The following SEC16A variants were observed in gnomAD, a reference collection of about 807,000 sequenced individuals.
SEC16A encodes the protein protein transport protein Sec16A.
Under a neutral mutation model 221.9 loss-of-function variants are expected in SEC16A, and 110 were observed. The observed-to-expected ratio is 0.50, with a 90% CI of 0.42 to 0.58. The LOEUF is 0.58. SEC16A is among the 20% of genes least tolerant of loss of function. SEC16A has a pLI of 0.00. For synonymous variants in SEC16A, 1,393 were observed against 1,257.7 expected, an observed-to-expected ratio of 1.11 and a Z score of -2.28; for missense variants, 3,165 against 3,097.8, an observed-to-expected ratio of 1.02 and a Z score of -0.52.
rs1284651214 is a variant in SEC16A, at chr9:136,446,962, G to A, written c.6698-13C>T. The stretch of plus-strand genomic sequence containing the variant: ...GGTTCTTCTGCATCTGGGGATGAGA[G>A]AGCGAGGAGGCCATCATTCCGTCCC... On this transcript the variant is annotated splice_polypyrimidine_tract_variant and intron_variant, in intron 27 of 31. Coordinates refer to ENST00000684901, the MANE Select transcript of SEC16A (RefSeq NM_014866.2). The A allele has an allele frequency of 1.2e-6, 2 of 1,613,508 alleles. No individual in the cohort carries two copies. The highest frequency in any genetic ancestry group is 1.7e-5 in the Admixed American group (1 of 60,010).
In SEC16A at chr9:136,459,799, C is replaced by T. The variant is rs202232995; in HGVS notation, c.5149G>A (p.Asp1717Asn). Residue 1717 changes from aspartate to asparagine, a missense_variant, in exon 15 of 32, where the codon GAC (aspartate) becomes AAC (asparagine). Transcript: ENST00000684901. The surrounding 1 kb of genome is among the most constrained non-coding windows in gnomAD (Gnocchi z 6.1). ...MVLSNLNNNM[D>N]VESRTMATMG... ...GTAGCCATCGTCCTGGACTCGACGT[C>T]CATGTTGTTGTTCAAGTTGGACAAG... The T allele has an allele frequency of 3.5e-4, 559 of 1,613,192 alleles. 3 individuals carry two copies. The highest frequency in any genetic ancestry group is 1.6e-3 in the South Asian group (142 of 90,802).
intron 28 of SEC16A, among the ~76,000 whole-genome samples, chr9:136,446,208 C>T (rs747797049): frequency 1.4e-4 from 21 of 151,080 alleles, no homozygotes; most frequent in Non-Finnish European, 2.5e-4. Flanking sequence ...TGGGTCCAAG[C>T]GATTCTTCTG....
chr9:136,459,869 A>G lies in SEC16A; in HGVS notation c.5079T>C (p.Cys1693=), dbSNP rs1237209443. 6.2e-7 allele frequency: 1 copy of G among 1,612,304 alleles called. No homozygotes were observed. Among genetic ancestry groups the G allele is most frequent in the Non-Finnish European group, 8.5e-7 (1 of 1,179,076 alleles). ...TCCAATCTCCCCATTTCTCGTCTCC[A>G]CAGCACTAACATGAGGAAAAACAAA... is the stretch of plus-strand genomic sequence containing the variant. ...SGRMPAASTC[C]GDEKWGDWRP... Residue 1693 remains cysteine, a synonymous_variant, in exon 15 of 32, where the codon TGT becomes TGC. Transcript: ENST00000684901. This position sits in a 1 kb window ranked among gnomAD's most constrained non-coding sequence, Gnocchi z 6.1.
rs1390161044 is a variant in SEC16A at position 136,440,221 on chromosome 9, C to T, written c.*1534G>A. ...TGAATCAAAAGTCGTGGCAGTCGACCCCAGAACAGCGGGCAGAGCCGACCG... is the reference window on the plus strand; with the variant it reads ...TGAATCAAAAGTCGTGGCAGTCGACTCCAGAACAGCGGGCAGAGCCGACCG... On this transcript the variant is annotated 3_prime_UTR_variant, in exon 32 of 32. Transcript: ENST00000684901. 2 of 152,346 alleles carry T rather than the reference C, an allele frequency of 1.3e-5. No individual in the cohort carries two copies. Among genetic ancestry groups the T allele is most frequent in the African/African-American group, 4.8e-5 (2 of 41,448 alleles). The allele number at this position is 152,346 out of a possible 1,614,324, so 9.4% of individuals were successfully genotyped here. A position where few individuals can be genotyped will look rare whatever the true frequency, so the allele number is the denominator to read the frequency against.
In SEC16A at chr9:136,468,516, A is replaced by G. The variant is rs748798138; in HGVS notation, c.3705-4T>C. 5 of 1,586,198 alleles carry G rather than the reference A, an allele frequency of 3.2e-6. No individual in the cohort carries two copies. The South Asian group carries it at 4.4e-5, about 14-fold the overall frequency. ...GTATCCTTCAGGATATCCTTGCCTG[A>G]AAAAACACACAGTGCTGTTAAAACA... On this transcript the variant is annotated splice_polypyrimidine_tract_variant and splice_region_variant and intron_variant, in intron 4 of 31. Coordinates refer to ENST00000684901, the MANE Select transcript of SEC16A (RefSeq NM_014866.2).
chr9:136,454,278 C>G lies in SEC16A; in HGVS notation c.5907G>C (p.Pro1969=). The change falls in exon 21 of 32, where the codon CCG becomes CCC. Residue 1969 remains proline, a synonymous_variant. Transcript: ENST00000684901. ...CCGGGGGCAGTGGCACTGGGAACAT[C>G]GGCACTCTGGCAGGACTGGCCAATG... ...DGPLASPARV[P]MFPVPLPPGP... 6.3e-7 allele frequency: 1 copy of G among 1,583,804 alleles called. No homozygotes were observed.
intron 31 of SEC16A, among the ~76,000 whole-genome samples, chr9:136,442,467 G>A (rs1013608306): frequency 2.6e-5 from 4 of 152,322 alleles, no homozygotes; most frequent in African/African-American, 7.2e-5. Flanking sequence ...GAGGCTGTGA[G>A]GGCAGGCTGG....
intron 12 of SEC16A, 141 bp from the exon 13 acceptor site, chr9:136,461,415 GAGACTAA>G (rs1299722021): frequency 3.0e-6 from 2 of 667,096 alleles, no homozygotes; most frequent in East Asian, 5.5e-5. Context: ...TCACCATTTG[GAGACTAA>G]AGACACGTAG....
At position 136,475,089 on chromosome 9, in the gene SEC16A, T is replaced by C; in HGVS notation, c.2527A>G (p.Ile843Val). The C allele has an allele frequency of 6.2e-7, 1 of 1,613,764 alleles. No homozygotes were observed. Among genetic ancestry groups the C allele is most frequent in the South Asian group, 1.1e-5 (1 of 91,062 alleles). The stretch of plus-strand genomic sequence containing the variant: ...TTCGATAAGGACACAGAAAAGTTAA[T>C]GGGCTGAGCCAGATTATAGCTGTGA... ...PDHSYNLAQP[I>V]NFSVSLSNSH... Residue 843 changes from isoleucine to valine, a missense_variant, in exon 3 of 32, where the codon ATT (isoleucine) becomes GTT (valine). Ile to Val is a conservative substitution (Grantham distance 29, BLOSUM62 3). Transcript: ENST00000684901. This position sits in a 1 kb window ranked among gnomAD's most constrained non-coding sequence, Gnocchi z 5.0.
At chr9:136,458,256 G>A (rs1000474140) in intron 17 of SEC16A, among the ~76,000 whole-genome samples, 6 of 151,172 alleles carry the variant, frequency 4.0e-5, no homozygotes, top group Non-Finnish European at 7.4e-5. Context: ...GGCATGAGCC[G>A]CCATGCTCAG....
At chr9:136,472,169 C>T in intron 3 of SEC16A, 58 bp from the exon 4 acceptor site, 1 of 1,600,112 alleles carries the variant, frequency 6.2e-7, no homozygotes, top group Admixed American at 1.7e-5. Context: ...GCTCGTCCAA[C>T]AGCCAGCCTG....
At chr9:136,483,334 G>GC (rs1303138844), upstream of SEC16A, among the ~76,000 whole-genome samples, 1 of 130,404 alleles carries the variant, frequency 7.7e-6, no homozygotes, top group Non-Finnish European at 1.6e-5. Flanking sequence ...GCTCCCCTTG[G>GC]CCCCGCCCCT....
At chr9:136,457,620 C>T in intron 17 of SEC16A, 36 bp from the exon 18 acceptor site, 1 of 1,591,082 alleles carries the variant, frequency 6.3e-7, no homozygotes, top group East Asian at 2.3e-5. Context: ...CTGCGGCTCC[C>T]CCGCGTCCGA....
intron 11 of SEC16A, 113 bp from the exon 12 acceptor site, chr9:136,463,245 G>T: frequency 6.9e-7 from 1 of 1,453,422 alleles, no homozygotes; most frequent in Non-Finnish European, 9.3e-7. Flanking sequence ...ACAACTACCC[G>T]AAAGGCTGGC....
At chr9:136,449,500 A>G (rs529056886) in intron 23 of SEC16A, among the ~76,000 whole-genome samples, 5 of 152,206 alleles carry the variant, frequency 3.3e-5, no homozygotes, top group Non-Finnish European at 7.3e-5. Context: ...TGCTCGCCTC[A>G]GCATCCCAGA....
At position 136,443,907 on chromosome 9, in the gene SEC16A, A is replaced by G; in HGVS notation, c.6928-7T>C. On this transcript the variant is annotated splice_region_variant and splice_polypyrimidine_tract_variant and intron_variant, in intron 30 of 31. Coordinates refer to ENST00000684901, the MANE Select transcript of SEC16A (RefSeq NM_014866.2). ...CAGGGAGGTCGCCAGGAGCCTGAGA[A>G]GCACAGAGAAGTCACCTCAGCAGGG... 2.5e-6 allele frequency: 4 copies of G among 1,605,862 alleles called. No individual in the cohort carries two copies. Among genetic ancestry groups the G allele is most frequent in the Non-Finnish European group, 2.6e-6 (3 of 1,176,390 alleles).
rs57192211 is a variant in SEC16A, at chr9:136,448,547, C to T, written c.6313-386G>A. On this transcript the variant is annotated intron_variant, in intron 23 of 31. Coordinates refer to ENST00000684901, the MANE Select transcript of SEC16A (RefSeq NM_014866.2). ...GGAGGTGGGAGCAGATCCACAGAGACGCCAGGAGGATGGAGGTGGGGAGCA... is the reference window on the plus strand; with the variant it reads ...GGAGGTGGGAGCAGATCCACAGAGATGCCAGGAGGATGGAGGTGGGGAGCA... 259 of 696,292 alleles carry T rather than the reference C, an allele frequency of 3.7e-4. 3 individuals carry two copies. The African/African-American group carries it at 4.3e-3, about 11-fold the overall frequency. The allele number at this position is 696,292 out of a possible 1,614,324, so 43.1% of individuals were successfully genotyped here.
upstream of SEC16A, chr9:136,483,840 C>G: frequency 2.4e-5 from 23 of 977,638 alleles, no homozygotes; most frequent in Non-Finnish European, 2.8e-5. Flanking sequence ...CTGCGGGACG[C>G]GGAGGGCCGA....
At chr9:136,473,937 G>T in intron 3 of SEC16A, 112 bp downstream of exon 3, 7 of 1,198,286 alleles carry the variant, frequency 5.8e-6, no homozygotes, top group Non-Finnish European at 8.2e-6. Flanking sequence ...CGGGACTGTG[G>T]GTGACCCCGG....
Sources: allele counts gnomAD v4.1 joint callset (sites outside exome capture counted in the v4.1 genomes callset), GRCh38; gene constraint gnomAD v4.1.1; non-coding constraint Gnocchi (gnomAD v3.1); transcripts MANE v1.5; gene names NCBI Gene and HGNC (gene_info 2026-07-23, HGNC 2026-07-21).